The following DPF3 variants were observed in gnomAD, a reference collection of about 807,000 sequenced individuals.
The protein encoded by DPF3 is zinc finger protein DPF3.
In DPF3, 18 loss-of-function variants were observed where a neutral mutation model predicts 56.8. The observed-to-expected ratio is 0.32, with a 90% CI of 0.22 to 0.47. The LOEUF (loss-of-function observed/expected upper bound fraction) is 0.47. DPF3 is among the 20% of genes least tolerant of loss of function. The pLI is 1.00. For synonymous variants in DPF3, 188 were observed against 180.2 expected (o/e 1.04, Z -0.35); for missense variants, 403 against 488.8 (o/e 0.82, Z 1.65).
At chr14:72,819,413 CTT>C (rs1883431589) in intron 1 of DPF3, among the ~76,000 whole-genome samples, 2 of 152,060 alleles carry the variant, frequency 1.3e-5, no homozygotes, top group South Asian at 2.1e-4. Context: ...CTCGTGGCAA[CTT>C]TATTCATAAT....
chr14:72,831,734 G>T (rs28709260), intron 1 of DPF3, among the ~76,000 whole-genome samples: 1 of 152,194 alleles, frequency 6.6e-6, no homozygotes, highest in Admixed American at 6.5e-5. Flanking sequence ...GGTGTACTAT[G>T]AGCTAAATCT....
Position 72,661,854 on chromosome 14 carries a change from CTTT to C in DPF3, c.871+12383_871+12385del, listed in dbSNP as rs60114618. 2.6e-3 allele frequency: 2,346 copies of C among 903,450 alleles called. 2 individuals are homozygous for C. The highest frequency in any genetic ancestry group is 8.5e-3 in the African/African-American group (379 of 44,526). 56.0% of individuals were successfully genotyped at this position (903,450 alleles called of 1,614,324 possible). On this transcript the variant is annotated intron_variant, in intron 8 of 10. Coordinates refer to ENST00000556509, the MANE Select transcript of DPF3 (RefSeq NM_001280542.3). ...ACCTCAGCTGATGCTTTTATTTTTG[CTTT>C]TTTTTTTTTTTTTTTTTTGCTGCAT... is the stretch of plus-strand genomic sequence containing the variant.
At chr14:72,620,076 C>A in intron 9 of DPF3, 92 bp from the exon 10 acceptor site, 2 of 1,337,548 alleles carry the variant, frequency 1.5e-6, no homozygotes, top group Non-Finnish European at 2.0e-6. Context: ...CTTATTTCCA[C>A]GTCGGTCTCA....
At chr14:72,700,853 A>G (rs1417477015) in intron 6 of DPF3, among the ~76,000 whole-genome samples, 1 of 152,230 alleles carries the variant, frequency 6.6e-6, no homozygotes, top group Non-Finnish European at 1.5e-5. Context: ...TATTTAAAAC[A>G]AAGCCCAGCT....
chr14:72,875,744 T>A (rs1198894803), intron 1 of DPF3, among the ~76,000 whole-genome samples: 3 of 149,118 alleles, frequency 2.0e-5, no homozygotes, highest in Non-Finnish European at 3.0e-5. Flanking sequence ...AGCCTCCCCG[T>A]GAAAACTAGG....
rs8006208 is a variant in DPF3 at position 72,611,991 on chromosome 14, C to A, written c.*7306G>T. Among the ~76,000 whole-genome samples the A allele has an allele frequency of 1.3e-5, 2 of 152,188 alleles. No homozygotes were observed. The highest frequency in any genetic ancestry group is 2.9e-5 in the Non-Finnish European group (2 of 68,038). ...GCAACTTGAAGGCTAGGCCAGCATG[C>A]GGTTTATTTTCCAGCCCCTACAGGA... On this transcript the variant is annotated 3_prime_UTR_variant, in exon 11 of 11. Coordinates refer to ENST00000556509, the MANE Select transcript of DPF3 (RefSeq NM_001280542.3).
intron 1 of DPF3, among the ~76,000 whole-genome samples, chr14:72,782,394 T>G (rs1051229456): frequency 3.9e-5 from 6 of 152,120 alleles, no homozygotes; most frequent in Non-Finnish European, 4.4e-5. Context: ...TGGCTAATTT[T>G]TGTATTTTTT....
At chr14:72,767,698 G>A (rs1236652833) in intron 2 of DPF3, among the ~76,000 whole-genome samples, 1 of 129,536 alleles carries the variant, frequency 7.7e-6, no homozygotes, top group African/African-American at 2.9e-5. Context: ...AAGGAGAGGG[G>A]AAAGAGGGTT....
intron 3 of DPF3, among the ~76,000 whole-genome samples, chr14:72,732,793 T>A (rs372902467): frequency 8.1e-4 from 123 of 152,026 alleles, no homozygotes; most frequent in African/African-American, 2.9e-3. Context: ...TGACAGAGGG[T>A]TGGTGTGTTT....
intron 1 of DPF3, among the ~76,000 whole-genome samples, chr14:72,811,602 C>T (rs1232101460): frequency 1.3e-5 from 2 of 152,132 alleles, no homozygotes; most frequent in South Asian, 2.1e-4. Context: ...TTCACCACAC[C>T]GATCACCAAT....
At chr14:72,708,354 G>C (rs1012507529) in intron 6 of DPF3, among the ~76,000 whole-genome samples, 1 of 152,126 alleles carries the variant, frequency 6.6e-6, no homozygotes, top group African/African-American at 2.4e-5. Context: ...AGTCTCCAGG[G>C]ATCAATCCCA....
chr14:72,714,530 T>A (rs1408348085), intron 5 of DPF3, 29 bp from the exon 6 acceptor site: 1 of 1,612,442 alleles, frequency 6.2e-7, no homozygotes, highest in Non-Finnish European at 8.5e-7. Flanking sequence ...ACAGGATGCT[T>A]GTTACCATGG....
At chr14:72,651,503 G>A (rs1221731573) in intron 8 of DPF3, among the ~76,000 whole-genome samples, 3 of 152,170 alleles carry the variant, frequency 2.0e-5, no homozygotes, top group Admixed American at 2.0e-4. Flanking sequence ...CTGTGTTTGG[G>A]CAATGGAGGC....
At chr14:72,845,807 A>G (rs929849768) in intron 1 of DPF3, among the ~76,000 whole-genome samples, 2 of 152,168 alleles carry the variant, frequency 1.3e-5, no homozygotes, top group Non-Finnish European at 2.9e-5. Flanking sequence ...CTGAAACGAG[A>G]AGGGTTCTCT....
chr14:72,759,508 A>AAGAGAGAG lies in DPF3; in HGVS notation c.194-6145_194-6138dup, dbSNP rs34502740. 1.7e-3 allele frequency among the ~76,000 whole-genome samples: 249 copies of AAGAGAGAG among 147,702 alleles called. 2 individuals are homozygous for AAGAGAGAG. The highest frequency in any genetic ancestry group is 5.9e-3 in the African/African-American group (240 of 40,416). ...ACATAGTAAGATCCTGTCTCCACAAAAGAGAGAGAGAGAGAGAGAGATGAA... is the reference window on the plus strand; with the variant it reads ...ACATAGTAAGATCCTGTCTCCACAAAAGAGAGAGAGAGAGAGAGAGAGAGAGAGATGAA... On this transcript the variant is annotated intron_variant, in intron 2 of 10. Coordinates refer to ENST00000556509, the MANE Select transcript of DPF3 (RefSeq NM_001280542.3).
chr14:72,785,900 G>A (rs1892189970), intron 1 of DPF3, among the ~76,000 whole-genome samples: 1 of 152,192 alleles, frequency 6.6e-6, no homozygotes. Context: ...ATAAACTAAA[G>A]GGTCAGATTA....
intron 1 of DPF3, among the ~76,000 whole-genome samples, chr14:72,893,013 AAGGAAGGAAGGATGAAAAGGAGG>A (rs1886831555): frequency 2.4e-5 from 3 of 126,830 alleles, no homozygotes; most frequent in African/African-American, 2.9e-5. Flanking sequence ...GGAAGGAAGG[AAGGAAGGAAGGATGAAAAGGAGG>A]AGGAAGGCAG....
intron 1 of DPF3, among the ~76,000 whole-genome samples, chr14:72,785,755 C>T (rs1045185575): frequency 2.0e-5 from 3 of 152,146 alleles, no homozygotes; most frequent in African/African-American, 7.2e-5. Flanking sequence ...AATATGCCAT[C>T]AGAGAAATAC....
Position 72,611,484 on chromosome 14 carries a change from G to C in DPF3, c.*7813C>G, listed in dbSNP as rs1343263268. 2.6e-5 allele frequency among the ~76,000 whole-genome samples: 4 copies of C among 152,140 alleles called. No individual in the cohort carries two copies. The highest frequency in any genetic ancestry group is 2.6e-4 in the Admixed American group (4 of 15,278). ...CAGCTGACCTTGCTGGGGTCTGGTG[G>C]AGTGTGCCCAATCTGTACTTGAAGC... On this transcript the variant is annotated 3_prime_UTR_variant, in exon 11 of 11. Coordinates refer to ENST00000556509, the MANE Select transcript of DPF3 (RefSeq NM_001280542.3).
Sources: allele counts gnomAD v4.1 joint callset (sites outside exome capture counted in the v4.1 genomes callset), GRCh38; gene constraint gnomAD v4.1.1; transcripts MANE v1.5; gene names NCBI Gene and HGNC (gene_info 2026-07-23, HGNC 2026-07-21).